The following ADGRL2 variants were observed in gnomAD, a reference collection of about 807,000 sequenced individuals.
The protein encoded by ADGRL2 is calcium-independent alpha-latrotoxin receptor 2.
In ADGRL2, 44 loss-of-function variants were observed where a neutral mutation model predicts 157.4. The observed-to-expected ratio is 0.28, with a 90% CI of 0.22 to 0.36. The LOEUF (loss-of-function observed/expected upper bound fraction) is 0.36, where lower values mean the gene tolerates loss of function less well. Ranked by LOEUF, ADGRL2 falls within the 10% of genes least tolerant of loss-of-function variation. The probability of loss-of-function intolerance (pLI) is 1.00; values close to 1 mark genes in which losing one functional copy is unlikely to be tolerated. For synonymous variants in ADGRL2, 585 were observed against 624.7 expected (o/e 0.94, Z 0.95); for missense variants, 1,510 against 1,768.9 (o/e 0.85, Z 2.63).
upstream of ADGRL2, among the ~76,000 whole-genome samples, chr1:81,699,348 C>T (rs1243682994): frequency 6.6e-6 from 1 of 152,208 alleles, no homozygotes; most frequent in Non-Finnish European, 1.5e-5. Flanking sequence ...CTCACTGCAG[C>T]CCAATCCTGA....
In ADGRL2 at chr1:81,993,503, G is replaced by T. The variant is rs1664955190; in HGVS notation, c.*2358G>T. On this transcript the variant is annotated 3_prime_UTR_variant, in exon 24 of 24. Transcript: ENST00000686636. ...GCAGTTCTCAAAACTCTAAAGACAT[G>T]AACACTGCATCGTACCTAAATGGCT... is the stretch of plus-strand genomic sequence containing the variant. Among the ~76,000 whole-genome samples, 1 of 151,950 alleles carries T rather than the reference G, an allele frequency of 6.6e-6. No homozygotes were observed. The highest frequency in any genetic ancestry group is 1.5e-5 in the Non-Finnish European group (1 of 67,992).
intron 3 of ADGRL2, among the ~76,000 whole-genome samples, chr1:81,676,678 A>ATTTTT (rs1371340658): frequency 2.7e-4 from 41 of 151,352 alleles, no homozygotes; most frequent in Non-Finnish European, 4.4e-4. Flanking sequence ...AACTCACTGG[A>ATTTTT]TTTATTTTAT....
intron 1 of ADGRL2, among the ~76,000 whole-genome samples, chr1:81,378,818 C>T (rs549999586): frequency 1.3e-5 from 2 of 152,084 alleles, no homozygotes; most frequent in Non-Finnish European, 2.9e-5. Flanking sequence ...TCTTTTAACC[C>T]TCTTTAACCA....
chr1:81,802,357 G>A (rs1290962863), intron 1 of ADGRL2, among the ~76,000 whole-genome samples: 3 of 152,176 alleles, frequency 2.0e-5, no homozygotes, highest in African/African-American at 7.2e-5. Flanking sequence ...CTCGGCTGTT[G>A]CTGTTCGGCT....
At chr1:81,324,127 C>T (rs1472376473) in intron 1 of ADGRL2, among the ~76,000 whole-genome samples, 2 of 151,254 alleles carry the variant, frequency 1.3e-5, no homozygotes, top group Admixed American at 6.6e-5. Flanking sequence ...CTTTAAGAGG[C>T]TATTGTAGTG....
intron 1 of ADGRL2, among the ~76,000 whole-genome samples, chr1:81,346,709 A>T (rs570938862): frequency 4.2e-4 from 64 of 152,328 alleles, no homozygotes; most frequent in African/African-American, 1.3e-3. Flanking sequence ...TCAGACAAAG[A>T]TCAGAAACTG....
intron 2 of ADGRL2, among the ~76,000 whole-genome samples, chr1:81,773,874 T>C (rs182812681): frequency 6.6e-6 from 1 of 152,156 alleles, no homozygotes; most frequent in East Asian, 1.9e-4. Context: ...CTTTAAAGAG[T>C]ACACTAAGAT....
chr1:81,479,878 C>G (rs1332026928), intron 2 of ADGRL2, among the ~76,000 whole-genome samples: 2 of 152,112 alleles, frequency 1.3e-5, no homozygotes, highest in Admixed American at 1.3e-4. Flanking sequence ...CATTTGTTCT[C>G]TTAACTCAAA....
intron 3 of ADGRL2, among the ~76,000 whole-genome samples, chr1:81,606,373 T>C (rs1351822702): frequency 6.6e-6 from 1 of 152,182 alleles, no homozygotes; most frequent in African/African-American, 2.4e-5. Flanking sequence ...TGCTTCAGTA[T>C]TTCTTTGTAT....
chr1:81,823,338 T>G (rs1450989416), intron 1 of ADGRL2, among the ~76,000 whole-genome samples: 1 of 148,356 alleles, frequency 6.7e-6, no homozygotes, highest in Non-Finnish European at 1.5e-5. Context: ...CTTCCTTCCT[T>G]CTTCCCTCCC....
intron 2 of ADGRL2, among the ~76,000 whole-genome samples, chr1:81,780,379 G>A (rs1455491294): frequency 6.6e-6 from 1 of 152,110 alleles, no homozygotes; most frequent in Non-Finnish European, 1.5e-5. Flanking sequence ...CCATGTACTA[G>A]CTGGGAGACT....
At chr1:81,610,763 A>G (rs1034531068) in intron 3 of ADGRL2, among the ~76,000 whole-genome samples, 14 of 152,270 alleles carry the variant, frequency 9.2e-5, no homozygotes, top group African/African-American at 3.1e-4. Flanking sequence ...AAAACTGAGG[A>G]TATCTTTGGA....
chr1:81,368,818 A>G (rs2076111612), intron 1 of ADGRL2, among the ~76,000 whole-genome samples: 2 of 151,882 alleles, frequency 1.3e-5, no homozygotes. Context: ...GCTCCATCCC[A>G]TTTCCTGAGG....
intron 1 of ADGRL2, among the ~76,000 whole-genome samples, chr1:81,321,224 G>A (rs1437999842): frequency 6.6e-6 from 1 of 152,142 alleles, no homozygotes; most frequent in African/African-American, 2.4e-5. Context: ...TTAGGTTTTA[G>A]TTTACTTAGG....
At chr1:81,808,725 C>T (rs2089477047) in intron 1 of ADGRL2, among the ~76,000 whole-genome samples, 1 of 151,990 alleles carries the variant, frequency 6.6e-6, no homozygotes, top group Non-Finnish European at 1.5e-5. Flanking sequence ...ACTACTGATT[C>T]TAGAATTACA....
intron 17 of ADGRL2, among the ~76,000 whole-genome samples, chr1:81,972,596 A>G (rs370402934): frequency 6.6e-6 from 1 of 152,088 alleles, no homozygotes; most frequent in African/African-American, 2.4e-5. Flanking sequence ...TAGCTACAGT[A>G]TCTAGACTTT....
At chr1:81,373,146 C>G (rs956622383) in intron 1 of ADGRL2, among the ~76,000 whole-genome samples, 2 of 152,142 alleles carry the variant, frequency 1.3e-5, no homozygotes, top group Non-Finnish European at 2.9e-5. Context: ...GGTGGCAATT[C>G]AGTCTTACCT....
At position 81,615,624 on chromosome 1, in the gene ADGRL2, G is replaced by A. The variant is rs143432161; in HGVS notation, c.-143+34644G>A. Among the ~76,000 whole-genome samples, 732 of 152,280 alleles carry A rather than the reference G, an allele frequency of 4.8e-3. 4 individuals carry two copies. The highest frequency in any genetic ancestry group is 8.2e-3 in the Non-Finnish European group (556 of 68,030). On this transcript the variant is annotated intron_variant, in intron 3 of 24. Coordinates refer to the ADGRL2 transcript ENST00000370721. Reference sequence around the variant, plus strand: ...CTGCGGCTTCAATCTTGAAGTCAGCGAGACCAAGAACCCACCAATTCCGGA... The same window carrying A: ...CTGCGGCTTCAATCTTGAAGTCAGCAAGACCAAGAACCCACCAATTCCGGA...
intron 2 of ADGRL2, among the ~76,000 whole-genome samples, chr1:81,484,195 CA>C (rs1471912115): frequency 6.6e-6 from 1 of 152,162 alleles, no homozygotes; most frequent in Non-Finnish European, 1.5e-5. Flanking sequence ...CAAAATCCCA[CA>C]ATGAATAAAA....
Sources: allele counts gnomAD v4.1 joint callset (sites outside exome capture counted in the v4.1 genomes callset), GRCh38; gene constraint gnomAD v4.1.1; transcripts MANE v1.5; gene names NCBI Gene and HGNC (gene_info 2026-07-23, HGNC 2026-07-21).